The following NEK9 variants were observed in gnomAD, a reference collection of about 807,000 sequenced individuals.
NEK9 encodes the protein serine/threonine-protein kinase Nek9.
In NEK9, 75 loss-of-function variants were observed where a neutral mutation model predicts 123.4. That is an observed-to-expected ratio of 0.61 (90% confidence interval 0.50 to 0.74). The LOEUF (loss-of-function observed/expected upper bound fraction) is 0.74, where lower values mean the gene tolerates loss of function less well. NEK9 is among the 30% of genes least tolerant of loss of function. NEK9 has a pLI of 0.00. For missense variants in NEK9, 952 were observed against 1,214.4 expected (o/e 0.78, Z 3.21); for synonymous variants, 438 against 458.7 (o/e 0.95, Z 0.58).
At chr14:75,123,166 G>A (rs943721158) in intron 2 of NEK9, among the ~76,000 whole-genome samples, 3 of 151,890 alleles carry the variant, frequency 2.0e-5, no homozygotes, top group Admixed American at 6.6e-5. Flanking sequence ...TTTGGGAGGC[G>A]GAGGTGGGCG....
At chr14:75,126,650 C>G in intron 1 of NEK9, 53 bp downstream of exon 1, 1 of 1,338,868 alleles carries the variant, frequency 7.5e-7, no homozygotes, top group Non-Finnish European at 9.7e-7. Context: ...GAAGGAGGGA[C>G]TCGGGGCGAC....
rs762918850 is a variant in NEK9, at chr14:75,114,227, T to C, written c.849A>G (p.Gln283=). 5 of 1,613,862 alleles carry C rather than the reference T, an allele frequency of 3.1e-6. No individual in the cohort carries two copies. The highest frequency in any genetic ancestry group is 2.5e-6 in the Non-Finnish European group (3 of 1,179,752). ...DSSQYSLELI[Q]MVHSCLDQDP... ...CCTGGTCAAGGCACGAATGAACCAT[T>C]TGGATCAATTCCAAAGAGTACTGGC... The change falls in exon 7 of 22, where the codon CAA becomes CAG. Residue 283 remains glutamine (Q), a synonymous_variant. Coordinates refer to ENST00000238616, the MANE Select transcript of NEK9 (RefSeq NM_033116.6).
In NEK9 at chr14:75,097,185, A is replaced by T. The variant is rs759936262; in HGVS notation, c.2088T>A (p.Cys696Ter). The T allele has an allele frequency of 6.2e-7, 1 of 1,613,944 alleles. No individual in the cohort carries two copies. Among genetic ancestry groups the T allele is most frequent in the Non-Finnish European group, 8.5e-7 (1 of 1,179,842 alleles). Residue 696 changes from cysteine to a stop codon, truncating the protein, a stop_gained, in exon 17 of 22, where the codon TGT becomes TGA. Coordinates refer to ENST00000238616, the MANE Select transcript of NEK9 (RefSeq NM_033116.6). LOFTEE classifies it high-confidence loss of function. The stretch of plus-strand genomic sequence containing the variant: ...CAAAAATAGGCCGAGGCCATGAGGT[A>T]CAGATATCAGAGCCATGTGGTCTCT... Reference protein sequence around the residue: ...PTERPHGSDICTSWPRPIFGS... With the variant: ...PTERPHGSDI
At position 75,096,474 on chromosome 14, in the gene NEK9, A is replaced by G. The variant is rs1160192676; in HGVS notation, c.2173+626T>C. 3.3e-5 allele frequency among the ~76,000 whole-genome samples: 5 copies of G among 152,170 alleles called. No individual in the cohort carries two copies. In the East Asian group the frequency reaches 9.6e-4, roughly 29 times the overall value. ...TTAAAGGATGTACTGAATGTTTCTC[A>G]TGAAAGCATGAGCACAGACAACAAA... On this transcript the variant is annotated intron_variant, in intron 17 of 21. Coordinates refer to ENST00000238616, the MANE Select transcript of NEK9 (RefSeq NM_033116.6).
Position 75,109,890 on chromosome 14 carries a change from C to G in NEK9, c.990-13G>C, listed in dbSNP as rs1352518792. ...CACAGTGCTTGACCTGCCAACAACCCCCAGAACAAAGGAACATTTAACATT... is the reference window on the plus strand; with the variant it reads ...CACAGTGCTTGACCTGCCAACAACCGCCAGAACAAAGGAACATTTAACATT... On this transcript the variant is annotated splice_polypyrimidine_tract_variant and intron_variant, in intron 9 of 21. Transcript: ENST00000238616. 6.3e-7 allele frequency: 1 copy of G among 1,588,496 alleles called. No homozygotes were observed. Among genetic ancestry groups the G allele is most frequent in the Admixed American group, 1.9e-5 (1 of 52,050 alleles).
At chr14:75,091,502 T>C (rs538846613) in intron 18 of NEK9, 24 bp from the exon 19 acceptor site, 8 of 1,519,142 alleles carry the variant, frequency 5.3e-6, no homozygotes, top group South Asian at 1.3e-5. Flanking sequence ...AGCACAGAAA[T>C]AGACAGCTTT....
chr14:75,102,434 G>A (rs1317163927), intron 14 of NEK9, among the ~76,000 whole-genome samples: 8 of 151,702 alleles, frequency 5.3e-5, no homozygotes, highest in Non-Finnish European at 8.8e-5. Flanking sequence ...TGCAAGCCCC[G>A]CCTCCCAGGT....
At chr14:75,126,306 T>C (rs1895522529) in intron 1 of NEK9, among the ~76,000 whole-genome samples, 1 of 152,042 alleles carries the variant, frequency 6.6e-6, no homozygotes, top group East Asian at 1.9e-4. Context: ...GAGAACTATA[T>C]ATACAGCATG....
intron 1 of NEK9, among the ~76,000 whole-genome samples, chr14:75,126,090 A>T (rs189347289): frequency 6.6e-6 from 1 of 152,338 alleles, no homozygotes; most frequent in East Asian, 1.9e-4. Context: ...ATGGCTTAGA[A>T]TATACCAACA....
chr14:75,103,141 A>G (rs892499136), intron 14 of NEK9, among the ~76,000 whole-genome samples: 20 of 152,070 alleles, frequency 1.3e-4, no homozygotes, highest in African/African-American at 4.6e-4. Context: ...ATGTATACAT[A>G]TGTAACAAAC....
intron 5 of NEK9, 84 bp from the exon 6 acceptor site, chr14:75,117,410 AG>A (rs1895178313): frequency 7.0e-7 from 1 of 1,432,720 alleles, no homozygotes; most frequent in Non-Finnish European, 9.4e-7. Flanking sequence ...TAAATTTCCT[AG>A]GAACTAGTCA....
At position 75,109,629 on chromosome 14, in the gene NEK9, G is replaced by A. The variant is rs143563268; in HGVS notation, c.1182+56C>T. The A allele has an allele frequency of 2.9e-3, 4,326 of 1,492,020 alleles. 4 individuals are homozygous for A. Among genetic ancestry groups the A allele is most frequent in the Non-Finnish European group, 3.1e-3 (3,385 of 1,087,890 alleles). 92.4% of individuals were successfully genotyped at this position (1,492,020 alleles called of 1,614,324 possible). ...CTAATAAAATGCTTAGACATCGTGG[G>A]CCCAGTAAACAATTAGGCTTACAGC... On this transcript the variant is annotated intron_variant, in intron 10 of 21. Coordinates refer to ENST00000238616, the MANE Select transcript of NEK9 (RefSeq NM_033116.6).
intron 19 of NEK9, among the ~76,000 whole-genome samples, chr14:75,089,381 C>T (rs1351260109): frequency 6.6e-6 from 1 of 151,988 alleles, no homozygotes; most frequent in Non-Finnish European, 1.5e-5. Context: ...GCGTGTACCA[C>T]CACAACTGGC....
At position 75,110,332 on chromosome 14, in the gene NEK9, T is replaced by C; in HGVS notation, c.978A>G (p.Thr326=). 2.7e-5 allele frequency: 44 copies of C among 1,613,094 alleles called. No individual in the cohort carries two copies. The highest frequency in any genetic ancestry group is 3.7e-5 in the Non-Finnish European group (44 of 1,179,168). ...EEKVTLLNAP[T]KRPRSSTVTE... ...CTCTTGAACATTACCTTGGTCTCTT[T>C]GTAGGTGCATTAAGCAGAGTGACTT... The change falls in exon 9 of 22, where the codon ACA becomes ACG. Residue 326 remains threonine (T), a synonymous_variant. Coordinates refer to ENST00000238616, the MANE Select transcript of NEK9 (RefSeq NM_033116.6).
chr14:75,124,996 A>G (rs546296057), intron 1 of NEK9, among the ~76,000 whole-genome samples: 10 of 150,422 alleles, frequency 6.6e-5, no homozygotes, highest in African/African-American at 2.4e-4. Context: ...GCTGGTCTAG[A>G]ACTCCTGGCC....
chr14:75,117,852 T>C (rs1895192753), intron 5 of NEK9, among the ~76,000 whole-genome samples: 1 of 152,206 alleles, frequency 6.6e-6, no homozygotes, highest in Non-Finnish European at 1.5e-5. Context: ...AAAAATAAAT[T>C]TGGAAATAAA....
intron 16 of NEK9, among the ~76,000 whole-genome samples, chr14:75,100,632 C>T (rs1311126549): frequency 1.3e-5 from 2 of 152,186 alleles, no homozygotes; most frequent in Non-Finnish European, 2.9e-5. Flanking sequence ...ATGCTGTTCT[C>T]TCCAGCTACC....
intron 5 of NEK9, among the ~76,000 whole-genome samples, chr14:75,118,128 T>C (rs1217095827): frequency 6.6e-6 from 1 of 152,194 alleles, no homozygotes; most frequent in East Asian, 1.9e-4. Context: ...GCCTCCATCA[T>C]AGAAACATCT....
rs755492853 is a variant in NEK9 at position 75,088,573 on chromosome 14, T to G, written c.2511A>C (p.Glu837Asp). 10 of 1,614,100 alleles carry G rather than the reference T, an allele frequency of 6.2e-6. No individual in the cohort carries two copies. The East Asian group carries it at 2.2e-4, about 36-fold the overall frequency. The change falls in exon 20 of 22, where the codon GAA (glutamate) becomes GAC (aspartate). Residue 837 changes from glutamate (E) to aspartate (D), a missense_variant. Glu to Asp is a conservative substitution (Grantham distance 45). This residue lies in a region of NEK9 where 698 missense variants were observed against 875.6 expected (regional missense o/e 0.80). Transcript: ENST00000238616. ...CATAGGGCAGGGTATCTTTCTCAGA[T>G]TCTGAAAACGCTGCACTGAGAGGAG... ...SPSPLSAAFS[E>D]SEKDTLPYEE...
Sources: allele counts gnomAD v4.1 joint callset (sites outside exome capture counted in the v4.1 genomes callset), GRCh38; gene constraint gnomAD v4.1.1; regional missense constraint gnomAD v4.1.1; transcripts MANE v1.5; gene names NCBI Gene and HGNC (gene_info 2026-07-23, HGNC 2026-07-21).